Variants in CADM1 observed in about 807,000 individuals in gnomAD.
CADM1 encodes TSLC-1.
A neutral mutation model predicts 53.1 loss-of-function variants in CADM1; 15 were observed. The observed-to-expected ratio is 0.28, with a 90% CI of 0.19 to 0.44. CADM1 has a LOEUF of 0.44. Ranked by LOEUF, CADM1 falls within the 20% of genes least tolerant of loss-of-function variation. CADM1 has a pLI of 1.00. For missense variants in CADM1, 434 were observed against 611.3 expected, an observed-to-expected ratio of 0.71 and a Z score of 3.06; for synonymous variants, 281 against 243.0, an observed-to-expected ratio of 1.16 and a Z score of -1.45.
intron 1 of CADM1, among the ~76,000 whole-genome samples, chr11:115,321,000 T>A (rs1164244082): frequency 1.3e-5 from 2 of 152,192 alleles, no homozygotes; most frequent in Non-Finnish European, 2.9e-5. Flanking sequence ...ATCCACATAG[T>A]TCATACTTTT....
chr11:115,363,202 C>T (rs1946074714), intron 1 of CADM1, among the ~76,000 whole-genome samples: 1 of 152,144 alleles, frequency 6.6e-6, no homozygotes, highest in Non-Finnish European at 1.5e-5. Context: ...ATCAGCAGGA[C>T]GTGGCATAGC....
rs537465903 is a variant in CADM1 at position 115,242,595 on chromosome 11, T to C, written c.125-2175A>G. Among the ~76,000 whole-genome samples, 121 of 152,290 alleles carry C rather than the reference T, an allele frequency of 7.9e-4. No individual in the cohort carries two copies. In the Middle Eastern group the frequency reaches 0.024, roughly 30 times the overall value. On this transcript the variant is annotated intron_variant, in intron 1 of 11. Transcript: ENST00000331581. ...CTAAGAAAATTAAGAAAAAATTTAA[T>C]TGTGTGATTCAAGGGCTATAACTGT...
intron 3 of CADM1, 82 bp from the exon 4 acceptor site, chr11:115,231,572 A>T (rs1444623005): frequency 1.6e-6 from 2 of 1,279,858 alleles, no homozygotes; most frequent in African/African-American, 1.4e-5. Context: ...AACAGTAGAC[A>T]TTCCTGATGG....
At chr11:115,228,132 C>T (rs561243648) in intron 5 of CADM1, among the ~76,000 whole-genome samples, 11 of 152,256 alleles carry the variant, frequency 7.2e-5, no homozygotes, top group East Asian at 5.8e-4. Flanking sequence ...CAAGTTAAGG[C>T]GCTCCTGGGA....
chr11:115,483,917 A>G (rs780260899), intron 1 of CADM1, among the ~76,000 whole-genome samples: 2 of 152,174 alleles, frequency 1.3e-5, no homozygotes, highest in Non-Finnish European at 2.9e-5. Flanking sequence ...CAAAAGTTCT[A>G]TTAGACAGCA....
At chr11:115,308,479 A>C (rs7941451) in intron 1 of CADM1, among the ~76,000 whole-genome samples, 152,083 of 152,084 alleles carry the variant, frequency 1, 76,041 homozygotes, top group Middle Eastern at 1. Context: ...TACTAGAAAA[A>C]CTTTAAATGA....
chr11:115,247,350 T>C (rs192532344), intron 1 of CADM1, among the ~76,000 whole-genome samples: 276 of 152,344 alleles, frequency 1.8e-3, no homozygotes, highest in Non-Finnish European at 3.0e-3. Context: ...TTAAGGTCTA[T>C]TGTGTCAAGC....
rs1938891232 is a variant in CADM1, at chr11:115,173,847, A to G, written c.*2627T>C. 3.1e-6 allele frequency: 3 copies of G among 978,938 alleles called. No individual in the cohort carries two copies. The South Asian group carries it at 1.4e-4, about 46-fold the overall frequency. 60.6% of individuals were successfully genotyped at this position (978,938 alleles called of 1,614,324 possible). A position where few individuals can be genotyped will look rare whatever the true frequency, so the allele number is the denominator to read the frequency against. Reference sequence around the variant, plus strand: ...AAGACGTCGGTGTGACTAAAGAACAAGCTTATTTGGCATCAATTATACATC... The same window carrying G: ...AAGACGTCGGTGTGACTAAAGAACAGGCTTATTTGGCATCAATTATACATC... On this transcript the variant is annotated 3_prime_UTR_variant, in exon 12 of 12. Transcript: ENST00000331581.
chr11:115,311,844 T>C (rs1459564901), intron 1 of CADM1, among the ~76,000 whole-genome samples: 1 of 152,182 alleles, frequency 6.6e-6, no homozygotes, highest in East Asian at 1.9e-4. Context: ...AGATGAGCAG[T>C]GATGGGCAAC....
At chr11:115,422,605 A>G (rs554352940) in intron 1 of CADM1, among the ~76,000 whole-genome samples, 1 of 152,302 alleles carries the variant, frequency 6.6e-6, no homozygotes, top group East Asian at 1.9e-4. Context: ...TTGTTATCTC[A>G]TCCTCTTAGC....
chr11:115,269,529 A>G (rs1943240516), intron 1 of CADM1, among the ~76,000 whole-genome samples: 1 of 152,200 alleles, frequency 6.6e-6, no homozygotes, highest in African/African-American at 2.4e-5. Context: ...ACATTAAAAA[A>G]GGAAAACTGC....
chr11:115,356,978 C>T (rs1227203190), intron 1 of CADM1, among the ~76,000 whole-genome samples: 1 of 152,142 alleles, frequency 6.6e-6, no homozygotes, highest in East Asian at 1.9e-4. Flanking sequence ...ACAATGCAAA[C>T]ATTTTTGTAA....
At chr11:115,460,292 T>C (rs1948767428) in intron 1 of CADM1, among the ~76,000 whole-genome samples, 1 of 152,212 alleles carries the variant, frequency 6.6e-6, no homozygotes, top group Non-Finnish European at 1.5e-5. Flanking sequence ...GCCATGGGTA[T>C]TGGTTCACAC....
rs1938901892 is a variant in CADM1, at chr11:115,174,065, T to C, written c.*2409A>G. The C allele has an allele frequency of 1.0e-6, 1 of 981,474 alleles. No individual in the cohort carries two copies. The highest frequency in any genetic ancestry group is 4.7e-5 in the South Asian group (1 of 21,190). 60.8% of individuals were successfully genotyped at this position (981,474 alleles called of 1,614,324 possible). On this transcript the variant is annotated 3_prime_UTR_variant, in exon 12 of 12. Transcript: ENST00000331581. ...ATTTCCTGTTTTTGCTTTGTTTTAT[T>C]ATTATTTTTTCCAATGTGTGGGGCC...
intron 1 of CADM1, among the ~76,000 whole-genome samples, chr11:115,254,049 C>A (rs767478878): frequency 1.3e-5 from 2 of 152,102 alleles, no homozygotes; most frequent in African/African-American, 2.4e-5. Flanking sequence ...ATGAGATAAT[C>A]CACATATTTG....
chr11:115,387,800 T>C (rs1373231247), intron 1 of CADM1, among the ~76,000 whole-genome samples: 1 of 152,068 alleles, frequency 6.6e-6, no homozygotes. Flanking sequence ...GTGTGTATAT[T>C]ATTTTTCCTG....
intron 1 of CADM1, among the ~76,000 whole-genome samples, chr11:115,420,408 GTTTTGTTTACAA>G (rs1947723982): frequency 6.6e-6 from 1 of 152,152 alleles, no homozygotes; most frequent in Admixed American, 6.5e-5. Context: ...GACTCAGTCT[GTTTTGTTTACAA>G]TTTTCTGCCC....
At chr11:115,473,772 G>T (rs1949067249) in intron 1 of CADM1, among the ~76,000 whole-genome samples, 2 of 152,000 alleles carry the variant, frequency 1.3e-5, no homozygotes, top group African/African-American at 4.8e-5. Flanking sequence ...TCATGACTTT[G>T]GGTTAGACAA....
intron 1 of CADM1, among the ~76,000 whole-genome samples, chr11:115,270,795 T>C (rs1441898094): frequency 1.3e-5 from 2 of 152,220 alleles, no homozygotes; most frequent in Non-Finnish European, 2.9e-5. Flanking sequence ...TCCTTCTTAC[T>C]TTGGCCCTTG....
Sources: allele counts gnomAD v4.1 joint callset (sites outside exome capture counted in the v4.1 genomes callset), GRCh38; gene constraint gnomAD v4.1.1; transcripts MANE v1.5; gene names NCBI Gene and HGNC (gene_info 2026-07-23, HGNC 2026-07-21).